Variants in FAT3 observed in about 807,000 individuals in gnomAD.
The protein encoded by FAT3 is protocadherin Fat 3.
Under a neutral mutation model 310.2 loss-of-function variants are expected in FAT3, and 95 were observed. That is an observed-to-expected ratio of 0.31 (90% CI 0.26 to 0.36). The LOEUF (loss-of-function observed/expected upper bound fraction) is 0.36. Among genes scored for constraint, FAT3 ranks in the 10% least tolerant of loss-of-function variants. The pLI is 1.00. For synonymous variants in FAT3, 2,314 were observed against 2,192.9 expected (o/e 1.06, Z -1.54); for missense variants, 5,408 against 5,715.6 (o/e 0.95, Z 1.74).
chr11:92,759,573 A>G (rs1405186950), intron 4 of FAT3, among the ~76,000 whole-genome samples: 1 of 152,096 alleles, frequency 6.6e-6, no homozygotes, highest in African/African-American at 2.4e-5. Context: ...TCTCCAAAGA[A>G]AAGAGGACCT....
intron 2 of FAT3, among the ~76,000 whole-genome samples, chr11:92,396,359 G>T (rs542090648): frequency 6.6e-6 from 1 of 152,246 alleles, no homozygotes; most frequent in African/African-American, 2.4e-5. Flanking sequence ...TGCTTTCCTG[G>T]CTGCCTTTTT....
At chr11:92,408,502 TG>T (rs1440213307) in intron 2 of FAT3, among the ~76,000 whole-genome samples, 1 of 152,130 alleles carries the variant, frequency 6.6e-6, no homozygotes, top group Non-Finnish European at 1.5e-5. Context: ...AATCACAGCC[TG>T]GGTTGGAAGA....
At chr11:92,447,840 A>T (rs1433544782) in intron 2 of FAT3, among the ~76,000 whole-genome samples, 1 of 151,928 alleles carries the variant, frequency 6.6e-6, no homozygotes, top group Admixed American at 6.5e-5. Flanking sequence ...AGGGAAAGTC[A>T]GGCCTGTCCA....
At chr11:92,726,371 C>T (rs147165302) in intron 4 of FAT3, among the ~76,000 whole-genome samples, 2 of 152,140 alleles carry the variant, frequency 1.3e-5, no homozygotes, top group African/African-American at 4.8e-5. Context: ...TTTCAAGTAT[C>T]CTATATATTC....
chr11:92,790,783 T>C (rs990813486), intron 8 of FAT3, among the ~76,000 whole-genome samples: 1 of 152,214 alleles, frequency 6.6e-6, no homozygotes, highest in Admixed American at 6.5e-5. Context: ...GTAGGAGATA[T>C]TGCTTTACTT....
chr11:92,357,412 A>G (rs183215091), intron 2 of FAT3, among the ~76,000 whole-genome samples: 1 of 152,294 alleles, frequency 6.6e-6, no homozygotes, highest in Non-Finnish European at 1.5e-5. Context: ...ACCCAACTAC[A>G]CTGAAATTTG....
At chr11:92,634,761 C>T (rs1223606282) in intron 3 of FAT3, among the ~76,000 whole-genome samples, 5 of 152,168 alleles carry the variant, frequency 3.3e-5, no homozygotes, top group African/African-American at 1.2e-4. Flanking sequence ...ATGGACTGAA[C>T]ATTTGTGTTC....
intron 2 of FAT3, among the ~76,000 whole-genome samples, chr11:92,463,470 G>T (rs749344031): frequency 9.9e-5 from 15 of 152,266 alleles, no homozygotes; most frequent in Admixed American, 2.0e-4. Flanking sequence ...CCTGTAAAAT[G>T]GGGTTGAATA....
intron 1 of FAT3, among the ~76,000 whole-genome samples, chr11:92,335,534 T>TTATATAAGG (rs1460598180): frequency 5.9e-5 from 9 of 152,314 alleles, no homozygotes; most frequent in Non-Finnish European, 1.3e-4. Flanking sequence ...TTCTGCACCT[T>TTATATAAGG]ATATAAAAAA....
chr11:92,382,368 A>G (rs749885207), intron 2 of FAT3, among the ~76,000 whole-genome samples: 2 of 152,142 alleles, frequency 1.3e-5, no homozygotes, highest in African/African-American at 4.8e-5. Context: ...TTTTTGTTCA[A>G]TATTTTGTAC....
intron 4 of FAT3, among the ~76,000 whole-genome samples, chr11:92,757,004 A>G (rs2511130): frequency 0.76 from 111,819 of 147,254 alleles, 43,155 homozygotes; most frequent in Non-Finnish European, 0.83. Flanking sequence ...AGCTCACTGC[A>G]ACCTCCGCCT....
chr11:92,503,297 T>C (rs1161019305), intron 2 of FAT3, among the ~76,000 whole-genome samples: 2 of 152,156 alleles, frequency 1.3e-5, no homozygotes, highest in African/African-American at 4.8e-5. Context: ...AAAAAAGTAG[T>C]AGTCATTTTA....
At chr11:92,815,008 C>A (rs948844126) in intron 13 of FAT3, among the ~76,000 whole-genome samples, 1 of 151,976 alleles carries the variant, frequency 6.6e-6, no homozygotes, top group Non-Finnish European at 1.5e-5. Context: ...ATCATGTAGT[C>A]CAAGAGGGAG....
chr11:92,868,118 C>G (rs151197177), intron 22 of FAT3, among the ~76,000 whole-genome samples: 32 of 152,316 alleles, frequency 2.1e-4, no homozygotes, highest in African/African-American at 7.5e-4. Context: ...AGTCCCTTTG[C>G]AGAGTCGCTC....
chr11:92,282,568 G>A (rs1946456210), intron 1 of FAT3, among the ~76,000 whole-genome samples: 1 of 151,824 alleles, frequency 6.6e-6, no homozygotes, highest in Non-Finnish European at 1.5e-5. Flanking sequence ...GGGAGGCTGA[G>A]GCAGGAGAAT....
intron 2 of FAT3, among the ~76,000 whole-genome samples, chr11:92,373,311 C>G (rs1352654602): frequency 6.6e-6 from 1 of 152,126 alleles, no homozygotes; most frequent in Non-Finnish European, 1.5e-5. Context: ...TCTTACTGCT[C>G]CAGATTTGTG....
At chr11:92,268,950 T>G (rs1169684833) in intron 1 of FAT3, among the ~76,000 whole-genome samples, 2 of 152,170 alleles carry the variant, frequency 1.3e-5, no homozygotes, top group African/African-American at 2.4e-5. Context: ...TTCAGCCTTT[T>G]ACTTTGTATG....
At chr11:92,575,327 T>C (rs1056046462) in intron 3 of FAT3, among the ~76,000 whole-genome samples, 2 of 152,158 alleles carry the variant, frequency 1.3e-5, no homozygotes, top group African/African-American at 4.8e-5. Context: ...TTTCTTCTGC[T>C]TCTCAGGCAA....
intron 1 of FAT3, among the ~76,000 whole-genome samples, chr11:92,238,447 G>A (rs1390996373): frequency 6.6e-6 from 1 of 152,052 alleles, no homozygotes; most frequent in African/African-American, 2.4e-5. Flanking sequence ...GTTGGAAGAG[G>A]AACTGAGGGT....
Sources: allele counts gnomAD v4.1 joint callset (sites outside exome capture counted in the v4.1 genomes callset), GRCh38; gene constraint gnomAD v4.1.1; transcripts MANE v1.5; gene names NCBI Gene and HGNC (gene_info 2026-07-23, HGNC 2026-07-21).